TENM3: variants seen among roughly 807,000 people sequenced by gnomAD.
TENM3 encodes teneurin-3.
In TENM3, 63 loss-of-function variants were observed where a neutral mutation model predicts 255.1. The observed-to-expected ratio is 0.25, with a 90% confidence interval of 0.20 to 0.30. The LOEUF is 0.30. Ranked by LOEUF, TENM3 falls within the 10% of genes least tolerant of loss-of-function variation. The pLI is 1.00. For synonymous variants in TENM3, 1,306 were observed against 1,322.3 expected (o/e 0.99, Z 0.27); for missense variants, 2,929 against 3,461.1 (o/e 0.85, Z 3.86).
the TENM3 span, among the ~76,000 whole-genome samples, chr4:181,795,605 C>A: frequency 6.6e-6 from 1 of 152,164 alleles, no homozygotes; most frequent in South Asian, 2.1e-4. Context: ...TGCTGAACTA[C>A]TGAGCTATCA....
the TENM3 span, among the ~76,000 whole-genome samples, chr4:181,884,860 T>C: frequency 6.6e-6 from 1 of 152,152 alleles, no homozygotes; most frequent in Admixed American, 6.5e-5. Flanking sequence ...TATTCCTTTA[T>C]CTATTATGAT....
intron 6 of TENM3, among the ~76,000 whole-genome samples, chr4:182,670,546 C>G (rs889727332): frequency 2.5e-4 from 38 of 152,166 alleles, no homozygotes; most frequent in Non-Finnish European, 4.4e-5. Flanking sequence ...TTCATTTCAC[C>G]TCTAGCCCGC....
the TENM3 span, among the ~76,000 whole-genome samples, chr4:181,515,915 C>A: frequency 0.6 from 91,070 of 151,992 alleles, 27,747 homozygotes; most frequent in Non-Finnish European, 0.67. Flanking sequence ...CTGCAGCACT[C>A]TTCACAATAC....
chr4:182,566,818 C>A (rs1274468399), intron 3 of TENM3, among the ~76,000 whole-genome samples: 1 of 152,178 alleles, frequency 6.6e-6, no homozygotes, highest in Non-Finnish European at 1.5e-5. Flanking sequence ...TCTTTGAAAT[C>A]TCTTCATAGC....
the TENM3 span, among the ~76,000 whole-genome samples, chr4:181,514,932 A>C: frequency 6.6e-6 from 1 of 152,234 alleles, no homozygotes; most frequent in African/African-American, 2.4e-5. Context: ...GGTCTTGGTT[A>C]TCCCTATTTT....
At chr4:182,722,589 G>A (rs989952417) in intron 13 of TENM3, among the ~76,000 whole-genome samples, 10 of 152,330 alleles carry the variant, frequency 6.6e-5, no homozygotes, top group Admixed American at 3.3e-4. Context: ...CAAAGGAAAC[G>A]ATTGTGGTGA....
At chr4:181,544,055 G>T in the TENM3 span, among the ~76,000 whole-genome samples, 5 of 152,146 alleles carry the variant, frequency 3.3e-5, no homozygotes, top group South Asian at 4.1e-4. Flanking sequence ...TCAATGAGAT[G>T]ATTTAATTTT....
chr4:182,702,999 G>A (rs1412948059), intron 12 of TENM3, among the ~76,000 whole-genome samples: 1 of 152,170 alleles, frequency 6.6e-6, no homozygotes, highest in Non-Finnish European at 1.5e-5. Context: ...GCCTCCCAAA[G>A]TGCTGGGATT....
the TENM3 span, among the ~76,000 whole-genome samples, chr4:181,928,530 G>C: frequency 6.6e-6 from 1 of 151,830 alleles, no homozygotes; most frequent in Non-Finnish European, 1.5e-5. Flanking sequence ...ATGGGACTAC[G>C]TGAAAAGACC....
the TENM3 span, among the ~76,000 whole-genome samples, chr4:181,479,572 CATAAAT>C: frequency 6.6e-6 from 1 of 152,060 alleles, no homozygotes; most frequent in Non-Finnish European, 1.5e-5. Context: ...ATTCTACTGT[CATAAAT>C]ATGGCCTCTT....
chr4:182,730,215 C>CAA lies in TENM3; in HGVS notation c.2602_2603insAA (p.Arg868LysfsTer6). On this transcript the variant is annotated frameshift_variant, in exon 15 of 28. Coordinates refer to ENST00000511685, the MANE Select transcript of TENM3 (RefSeq NM_001080477.4). LOFTEE classifies it high-confidence loss of function. Reference sequence around the variant, plus strand: ...TTTCCAACAGCCTTGCATCTGTCATCAGAGGCCAAGTACTGACTGCTGATG... The same window carrying CAA: ...TTTCCAACAGCCTTGCATCTGTCATCAAAGAGGCCAAGTACTGACTGCTGATG... 6.2e-7 allele frequency: 1 copy of CAA among 1,613,790 alleles called. No individual in the cohort carries two copies. Among genetic ancestry groups the CAA allele is most frequent in the Non-Finnish European group, 8.5e-7 (1 of 1,179,796 alleles).
At chr4:181,719,932 T>A in the TENM3 span, among the ~76,000 whole-genome samples, 3 of 152,224 alleles carry the variant, frequency 2.0e-5, no homozygotes, top group Non-Finnish European at 4.4e-5. Context: ...TTCACAAATA[T>A]GTATTATGTG....
At chr4:181,466,727 T>C in the TENM3 span, among the ~76,000 whole-genome samples, 1 of 152,144 alleles carries the variant, frequency 6.6e-6, no homozygotes, top group Non-Finnish European at 1.5e-5. Context: ...CAGAACATGT[T>C]ACTACACTTT....
chr4:182,440,144 G>A (rs1053270729), intron 3 of TENM3, among the ~76,000 whole-genome samples: 10 of 122,132 alleles, frequency 8.2e-5, no homozygotes, highest in Non-Finnish European at 1.1e-4. Flanking sequence ...ACGGAGTCTC[G>A]CTCTGTTGCC....
At chr4:182,567,855 A>C (rs75083627) in intron 3 of TENM3, among the ~76,000 whole-genome samples, 29,453 of 150,496 alleles carry the variant, frequency 0.2, 3,090 homozygotes, top group Middle Eastern at 0.24. Flanking sequence ...AAAAAAAAAA[A>C]AAAACAGAAA....
chr4:182,084,997 T>A, the TENM3 span: 1 of 152,062 alleles, frequency 6.6e-6, no homozygotes, highest in Non-Finnish European at 1.5e-5. Context: ...AAAATACCAA[T>A]ACACTGGAAC....
rs778280837 is a variant in TENM3, at chr4:182,603,765, T to TTTTATATATATATATATATATATATATA, written c.749+2605_749+2606insTTATATATATATATATATATATATATAT. 3.0e-4 allele frequency among the ~76,000 whole-genome samples: 29 copies of TTTTATATATATATATATATATATATATA among 95,554 alleles called. 1 individual carries two copies. The highest frequency in any genetic ancestry group is 1.1e-3 in the East Asian group (2 of 1,762). The allele number at this position is 95,554 out of a possible 152,430, so 62.7% of individuals were successfully genotyped here. On this transcript the variant is annotated intron_variant, in intron 4 of 27. Coordinates refer to ENST00000511685, the MANE Select transcript of TENM3 (RefSeq NM_001080477.4). ...GTATTGTTTCATCTTTGGCAATTAT[T>TTTTATATATATATATATATATATATATA]TATATATATATATATATATACACAC...
At chr4:182,027,884 T>A in the TENM3 span, among the ~76,000 whole-genome samples, 2 of 152,306 alleles carry the variant, frequency 1.3e-5, no homozygotes, top group East Asian at 1.9e-4. Context: ...CTGGTGATGA[T>A]TTTTGCATCA....
At chr4:181,985,157 T>A in the TENM3 span, among the ~76,000 whole-genome samples, 15 of 151,778 alleles carry the variant, frequency 9.9e-5, no homozygotes, top group Non-Finnish European at 2.1e-4. Context: ...CTTCGAAAAA[T>A]TTCATGAGAA....
Sources: gnomAD v4.1 joint callset for allele counts (sites outside exome capture counted in the v4.1 genomes callset) on GRCh38, gnomAD v4.1.1 for gene constraint, MANE v1.5 for transcripts, NCBI Gene and HGNC (gene_info 2026-07-23, HGNC 2026-07-21) for gene names.